Variants in LRIG2 observed in about 807,000 individuals in gnomAD.
LRIG2 encodes leucine rich repeats and immunoglobulin like domains 2.
In LRIG2, 93 loss-of-function variants were observed where a neutral mutation model predicts 107.8. That is an observed-to-expected ratio of 0.86 (90% confidence interval 0.73 to 1.03). The LOEUF (loss-of-function observed/expected upper bound fraction) is 1.03. LRIG2 is among the 50% of genes least tolerant of loss of function. The pLI is 0.00. For missense variants in LRIG2, 1,226 were observed against 1,296.0 expected, an observed-to-expected ratio of 0.95 and a Z score of 0.83; for synonymous variants, 471 against 470.6, an observed-to-expected ratio of 1.00 and a Z score of -0.01.
At chr1:113,095,847 T>C (rs1420892268) in intron 6 of LRIG2, 27 bp from the exon 7 acceptor site, 3 of 1,613,518 alleles carry the variant, frequency 1.9e-6, no homozygotes, top group Non-Finnish European at 2.5e-6. Flanking sequence ...TTGGAACGTA[T>C]TTTCTTCTCT....
rs1209887159 is a variant in LRIG2, at chr1:113,128,422, T to C, written c.*4321T>C. On this transcript the variant is annotated 3_prime_UTR_variant, in exon 18 of 18. Transcript: ENST00000361127. ...GGCTTTGTAATCAAGGGTGAGTCTT[T>C]TTACTTCTCTAGGCTAGATTTTCTC... 6.6e-6 allele frequency: 1 copy of C among 152,210 alleles called. No homozygotes were observed. Among genetic ancestry groups the C allele is most frequent in the Non-Finnish European group, 1.5e-5 (1 of 68,034 alleles). 9.4% of individuals were successfully genotyped at this position (152,210 alleles called of 1,614,324 possible).
At chr1:113,088,253 T>A (rs908677531) in intron 1 of LRIG2, among the ~76,000 whole-genome samples, 1 of 152,164 alleles carries the variant, frequency 6.6e-6, no homozygotes, top group Non-Finnish European at 1.5e-5. Context: ...CATTTTCCGG[T>A]ACAGAGGCTG....
intron 1 of LRIG2, 79 bp downstream of exon 1, chr1:113,073,724 G>A (rs1484573507): frequency 1.5e-6 from 2 of 1,346,260 alleles, no homozygotes; most frequent in Admixed American, 2.0e-5. Context: ...AGGGAGACAG[G>A]CCTGGTCGGA....
intron 1 of LRIG2, among the ~76,000 whole-genome samples, chr1:113,090,098 G>A (rs1653736717): frequency 6.6e-6 from 1 of 151,834 alleles, no homozygotes; most frequent in South Asian, 2.1e-4. Context: ...GTCTTCAGAT[G>A]TATTTACAGT....
intron 16 of LRIG2, among the ~76,000 whole-genome samples, chr1:113,118,455 G>A (rs1214964889): frequency 6.6e-6 from 1 of 152,170 alleles, no homozygotes; most frequent in Non-Finnish European, 1.5e-5. Context: ...GGTTTTTCAT[G>A]AAGTGAAGTC....
chr1:113,115,332 G>A (rs995245523), intron 15 of LRIG2, among the ~76,000 whole-genome samples: 3 of 151,868 alleles, frequency 2.0e-5, no homozygotes, highest in South Asian at 2.1e-4. Context: ...CTCCCATCTC[G>A]GCCTTCTGAG....
intron 9 of LRIG2, among the ~76,000 whole-genome samples, chr1:113,099,279 C>T (rs531181182): frequency 3.8e-4 from 50 of 132,504 alleles, no homozygotes; most frequent in African/African-American, 1.4e-3. Flanking sequence ...GCTCTGTCAC[C>T]CAGGCTGGAG....
At chr1:113,102,591 T>C (rs1654355989) in intron 11 of LRIG2, among the ~76,000 whole-genome samples, 1 of 152,064 alleles carries the variant, frequency 6.6e-6, no homozygotes, top group South Asian at 2.1e-4. Context: ...TTTTTTTTTT[T>C]ACCCCAAACT....
At chr1:113,119,704 A>C (rs1655166353) in intron 17 of LRIG2, among the ~76,000 whole-genome samples, 181 bp downstream of exon 17, 1 of 152,194 alleles carries the variant, frequency 6.6e-6, no homozygotes, top group Non-Finnish European at 1.5e-5. Context: ...AGTTACAAAG[A>C]AGTCTTCATC....
intron 1 of LRIG2, among the ~76,000 whole-genome samples, chr1:113,076,709 C>G (rs1177208297): frequency 1.3e-5 from 2 of 152,130 alleles, no homozygotes. Context: ...ATTAGGGATT[C>G]AAATATATGC....
chr1:113,120,541 G>A (rs1280999700), intron 17 of LRIG2, among the ~76,000 whole-genome samples: 2 of 142,788 alleles, frequency 1.4e-5, no homozygotes, highest in African/African-American at 2.6e-5. Context: ...ATGGAGGTTC[G>A]CTCTTGTTTC....
At chr1:113,112,431 G>A in intron 13 of LRIG2, 48 bp from the exon 14 acceptor site, 2 of 1,560,576 alleles carry the variant, frequency 1.3e-6, no homozygotes, top group Non-Finnish European at 1.7e-6. Context: ...GCATATATGT[G>A]TCTTTGTTCC....
rs1052607666 is a variant in LRIG2, at chr1:113,073,309, A to G, written c.-98A>G. 3 of 980,076 alleles carry G rather than the reference A, an allele frequency of 3.1e-6. No homozygotes were observed. The Admixed American group carries it at 5.9e-5, about 19-fold the overall frequency. 60.7% of individuals were successfully genotyped at this position (980,076 alleles called of 1,614,324 possible). Reference sequence around the variant, plus strand: ...TACAGCCTTCAGCCGGGGCTTCGGGAGACAGTGCAGCCACCGAGCATCTCT... The same window carrying G: ...TACAGCCTTCAGCCGGGGCTTCGGGGGACAGTGCAGCCACCGAGCATCTCT... On this transcript the variant is annotated 5_prime_UTR_variant, in exon 1 of 18. Transcript: ENST00000361127.
chr1:113,089,952 C>T (rs1653729619), intron 1 of LRIG2, among the ~76,000 whole-genome samples: 1 of 151,720 alleles, frequency 6.6e-6, no homozygotes, highest in Non-Finnish European at 1.5e-5. Flanking sequence ...GCCTTGGCCT[C>T]CCAAAGTGCT....
Position 113,114,467 on chromosome 1 carries a change from A to G in LRIG2, c.2121A>G (p.Val707=), listed in dbSNP as rs778111613. The change falls in exon 15 of 18, where the codon GTA becomes GTG. Residue 707 remains valine, a synonymous_variant. Transcript: ENST00000361127. ...SFIRPLEDKT[V]TRGETAVLQC... ...TTAGACCCCTGGAGGATAAGACAGT[A>G]ACACGAGGTGAAACTGCGGTGTTAC... 39 of 1,613,562 alleles carry G rather than the reference A, an allele frequency of 2.4e-5. No individual in the cohort carries two copies. The highest frequency in any genetic ancestry group is 1.6e-4 in the Middle Eastern group (1 of 6,082).
intron 12 of LRIG2, among the ~76,000 whole-genome samples, chr1:113,109,529 A>G (rs954657157): frequency 6.6e-6 from 1 of 152,116 alleles, no homozygotes; most frequent in Non-Finnish European, 1.5e-5. Flanking sequence ...ATATACATAT[A>G]TTTTTTGAGA....
At chr1:113,091,075 T>G (rs114241140) in intron 1 of LRIG2, among the ~76,000 whole-genome samples, 2,805 of 151,860 alleles carry the variant, frequency 0.018, 39 homozygotes, top group Non-Finnish European at 0.029. Context: ...ACTCCTGACC[T>G]CAGGTGATCT....
chr1:113,101,174 G>A (rs917442626), intron 11 of LRIG2, among the ~76,000 whole-genome samples: 1 of 152,048 alleles, frequency 6.6e-6, no homozygotes, highest in African/African-American at 2.4e-5. Flanking sequence ...GGGTTCAAGC[G>A]GTTCTCACCT....
At chr1:113,117,795 T>C (rs1445320659) in intron 16 of LRIG2, among the ~76,000 whole-genome samples, 1 of 151,700 alleles carries the variant, frequency 6.6e-6, no homozygotes, top group Admixed American at 6.6e-5. Flanking sequence ...TTTCTGACTT[T>C]TAAAAGAATA....
Sources: gnomAD v4.1 joint callset for allele counts (sites outside exome capture counted in the v4.1 genomes callset) on GRCh38, gnomAD v4.1.1 for gene constraint, MANE v1.5 for transcripts, NCBI Gene and HGNC (gene_info 2026-07-23, HGNC 2026-07-21) for gene names.